NPFFR2: variants seen among roughly 807,000 people sequenced by gnomAD.
NPFFR2 encodes G-protein coupled receptor 74.
NPFFR2 carries 15 observed loss-of-function variants against 13.1 expected under a neutral mutation model. The ratio of observed to expected loss-of-function variants is 1.15; its 90% CI spans 0.77 to 1.76. The LOEUF (loss-of-function observed/expected upper bound fraction) is 1.76. NPFFR2 is among the 40% of genes most tolerant of loss of function. The pLI, the probability that NPFFR2 is intolerant of heterozygous loss-of-function variation, is 0.00. For synonymous variants in NPFFR2, 190 were observed against 175.7 expected (o/e 1.08, Z -0.65); for missense variants, 572 against 503.5 (o/e 1.14, Z -1.30).
chr4:72,056,611 T>G (rs906931432), intron 1 of NPFFR2, among the ~76,000 whole-genome samples: 5 of 152,030 alleles, frequency 3.3e-5, no homozygotes, highest in South Asian at 2.1e-4. Context: ...AAATAGTGCT[T>G]CTTCTGATGG....
intron 1 of NPFFR2, among the ~76,000 whole-genome samples, chr4:72,070,966 T>C (rs1163986890): frequency 6.6e-6 from 1 of 152,152 alleles, no homozygotes; most frequent in Non-Finnish European, 1.5e-5. Context: ...TCATGTTCTT[T>C]GAGAGGGAGA....
intron 1 of NPFFR2, among the ~76,000 whole-genome samples, chr4:72,042,648 T>C (rs1191815807): frequency 6.6e-6 from 1 of 152,152 alleles, no homozygotes; most frequent in Non-Finnish European, 1.5e-5. Context: ...AGGTAACTCT[T>C]GTATGCTTTA....
In NPFFR2 at chr4:72,132,129, G is replaced by GT. The variant is rs1560421190; in HGVS notation, c.328+3210_328+3211insT. Reference sequence around the variant, plus strand: ...CCAGGTATTAAGCCTAGTACCCATTGGTTTTTTTTTTTTCCTGAGTCTCTT... The same window carrying GT: ...CCAGGTATTAAGCCTAGTACCCATTGTGTTTTTTTTTTTTCCTGAGTCTCTT... On this transcript the variant is annotated intron_variant, in intron 2 of 3. Transcript: ENST00000308744. 2.6e-3 allele frequency among the ~76,000 whole-genome samples: 358 copies of GT among 137,482 alleles called. 2 individuals carry two copies. The highest frequency in any genetic ancestry group is 0.011 in the African/African-American group (336 of 29,562). The allele number at this position is 137,482 out of a possible 152,430, so 90.2% of individuals were successfully genotyped here. A position where few individuals can be genotyped will look rare whatever the true frequency, so the allele number is the denominator to read the frequency against.
At chr4:72,053,424 A>C (rs1422125424) in intron 1 of NPFFR2, among the ~76,000 whole-genome samples, 1 of 151,850 alleles carries the variant, frequency 6.6e-6, no homozygotes, top group Non-Finnish European at 1.5e-5. Flanking sequence ...AAATACTATA[A>C]ATAGTACTGG....
At chr4:72,041,489 T>C (rs1719218986) in intron 1 of NPFFR2, among the ~76,000 whole-genome samples, 1 of 152,212 alleles carries the variant, frequency 6.6e-6, no homozygotes, top group Admixed American at 6.5e-5. Context: ...GGTAGAATGA[T>C]TTATTTTCCT....
At chr4:72,143,519 C>A (rs1560425143) in intron 3 of NPFFR2, among the ~76,000 whole-genome samples, 1 of 152,206 alleles carries the variant, frequency 6.6e-6, no homozygotes, top group Non-Finnish European at 1.5e-5. Context: ...TGCCTACCCA[C>A]ACTGGGAGGG....
At chr4:72,040,089 C>T (rs1719164036) in intron 1 of NPFFR2, among the ~76,000 whole-genome samples, 1 of 152,006 alleles carries the variant, frequency 6.6e-6, no homozygotes, top group Non-Finnish European at 1.5e-5. Flanking sequence ...ATTATTAATG[C>T]TTATCATAGT....
chr4:72,128,804 G>A lies in NPFFR2; in HGVS notation c.213G>A (p.Met71Ile). The A allele has an allele frequency of 6.2e-7, 1 of 1,614,040 alleles. No individual in the cohort carries two copies. Among genetic ancestry groups the A allele is most frequent in the Non-Finnish European group, 8.5e-7 (1 of 1,179,950 alleles). Residue 71 changes from methionine (M) to isoleucine (I), a missense_variant, in exon 2 of 4, where the codon ATG (methionine) becomes ATA (isoleucine). Transcript: ENST00000308744. ...ATACTGTGGTTTGCTTTATTGTAATGAGGAACAAACATATGCACACAGTCA... is the reference window on the plus strand; with the variant it reads ...ATACTGTGGTTTGCTTTATTGTAATAAGGAACAAACATATGCACACAGTCA... ...MGNTVVCFIV[M>I]RNKHMHTVTN...
At chr4:72,083,128 T>C (rs144788032) in intron 1 of NPFFR2, among the ~76,000 whole-genome samples, 2 of 152,300 alleles carry the variant, frequency 1.3e-5, no homozygotes, top group African/African-American at 4.8e-5. Context: ...TAATGGCTAC[T>C]GTGAATAATG....
chr4:72,070,567 G>T (rs770703008), intron 1 of NPFFR2, among the ~76,000 whole-genome samples: 132,367 of 137,444 alleles, frequency 0.96, 64,081 homozygotes, highest in Non-Finnish European at 0.99. Flanking sequence ...GTGTGGGGGG[G>T]GGGGGTGGGG....
intron 3 of NPFFR2, among the ~76,000 whole-genome samples, chr4:72,138,367 T>G (rs531639272): frequency 6.6e-6 from 1 of 152,284 alleles, no homozygotes; most frequent in African/African-American, 2.4e-5. Flanking sequence ...ACCCATCAAC[T>G]CGTCATTTAC....
At chr4:72,144,533 A>G (rs1722720517) in intron 3 of NPFFR2, among the ~76,000 whole-genome samples, 1 of 152,158 alleles carries the variant, frequency 6.6e-6, no homozygotes, top group South Asian at 2.1e-4. Context: ...GCCAAACTAA[A>G]AAAATTCCCA....
At chr4:72,032,445 A>G (rs1718950263) in intron 1 of NPFFR2, among the ~76,000 whole-genome samples, 1 of 152,168 alleles carries the variant, frequency 6.6e-6, no homozygotes, top group Non-Finnish European at 1.5e-5. Flanking sequence ...GGACCTGGTC[A>G]AGGGATGTGG....
At chr4:72,116,454 C>G (rs1162874389) in intron 1 of NPFFR2, among the ~76,000 whole-genome samples, 1 of 151,742 alleles carries the variant, frequency 6.6e-6, no homozygotes, top group African/African-American at 2.4e-5. Flanking sequence ...TGAAAAACTA[C>G]CTATTGTGTA....
At chr4:72,098,716 A>G (rs879564113) in intron 1 of NPFFR2, among the ~76,000 whole-genome samples, 14 of 152,200 alleles carry the variant, frequency 9.2e-5, no homozygotes, top group Non-Finnish European at 1.5e-4. Context: ...ACCATGACAC[A>G]GGGATCTGGG....
intron 1 of NPFFR2, among the ~76,000 whole-genome samples, chr4:72,075,139 A>T (rs1182953522): frequency 1.3e-5 from 2 of 152,086 alleles, no homozygotes; most frequent in African/African-American, 4.8e-5. Flanking sequence ...AGTGGGTGCA[A>T]TCTAATTAGC....
At chr4:72,100,526 T>C (rs1721210112) in intron 1 of NPFFR2, among the ~76,000 whole-genome samples, 1 of 152,010 alleles carries the variant, frequency 6.6e-6, no homozygotes, top group Non-Finnish European at 1.5e-5. Context: ...TCTGACTCTC[T>C]GATAATAATA....
chr4:72,051,955 A>G (rs1235466859), intron 1 of NPFFR2, among the ~76,000 whole-genome samples: 5 of 125,646 alleles, frequency 4.0e-5, no homozygotes, highest in Non-Finnish European at 7.0e-5. Context: ...GAAGAAGTTG[A>G]ATCTCTGAAT....
intron 1 of NPFFR2, among the ~76,000 whole-genome samples, chr4:72,100,280 A>AG (rs1159083499): frequency 1.3e-5 from 2 of 152,056 alleles, no homozygotes; most frequent in Non-Finnish European, 2.9e-5. Context: ...TGTAAAAAAA[A>AG]CTGTATAGGT....
Sources: gnomAD v4.1 joint callset for allele counts (sites outside exome capture counted in the v4.1 genomes callset) on GRCh38, gnomAD v4.1.1 for gene constraint, MANE v1.5 for transcripts, NCBI Gene and HGNC (gene_info 2026-07-23, HGNC 2026-07-21) for gene names.